KIT: variants seen among roughly 807,000 people sequenced by gnomAD.
The protein encoded by KIT is KIT proto-oncogene, receptor tyrosine kinase, also known as mast/stem cell growth factor receptor Kit.
Under a neutral mutation model 105.7 loss-of-function variants are expected in KIT, and 16 were observed. The ratio of observed to expected loss-of-function variants is 0.15; its 90% CI spans 0.10 to 0.23. KIT has a LOEUF of 0.23. KIT is among the 10% of genes least tolerant of loss of function. The probability of loss-of-function intolerance (pLI) is 1.00; values close to 1 mark genes in which losing one functional copy is unlikely to be tolerated. For missense variants in KIT, 858 were observed against 1,213.8 expected (o/e 0.71, Z 4.36); for synonymous variants, 438 against 441.1 (o/e 0.99, Z 0.09).
In KIT at chr4:54,739,123, C is replaced by G; in HGVS notation, c.*566C>G. ...CCAAGTGTGAACAAAAGATGCTCTT[C>G]TGTGGACCACTGCATGAGCTTTTAT... On this transcript the variant is annotated 3_prime_UTR_variant, in exon 21 of 21. Coordinates refer to ENST00000288135, the MANE Select transcript of KIT (RefSeq NM_000222.3). 1 of 372,162 alleles carries G rather than the reference C, an allele frequency of 2.7e-6. No homozygotes were observed. The highest frequency in any genetic ancestry group is 4.8e-6 in the Non-Finnish European group (1 of 208,440). 23.1% of individuals were successfully genotyped at this position (372,162 alleles called of 1,614,324 possible).
chr4:54,734,226 G>A (rs1017538149), intron 17 of KIT, among the ~76,000 whole-genome samples: 1 of 152,200 alleles, frequency 6.6e-6, no homozygotes, highest in African/African-American at 2.4e-5. Flanking sequence ...ATTGACCAAA[G>A]GGAGGAGGAA....
chr4:54,707,208 C>G lies in KIT; in HGVS notation c.1036C>G (p.Gln346Glu), dbSNP rs1060502555. 6.2e-6 allele frequency: 10 copies of G among 1,610,164 alleles called. No individual in the cohort carries two copies. Among genetic ancestry groups the G allele is most frequent in the Non-Finnish European group, 8.5e-6 (10 of 1,176,546 alleles). Residue 346 changes from glutamine (Q) to glutamate (E), a missense_variant, in exon 6 of 21, where the codon CAG (glutamine) becomes GAG (glutamate). Transcript: ENST00000288135. ...EYEAFPKPEH[Q>E]QWIYMNRTFT... Reference sequence around the variant, plus strand: ...TGAAGCATTCCCCAAACCTGAACACCAGCAGTGGATCTATATGAACAGAAC... The same window carrying G: ...TGAAGCATTCCCCAAACCTGAACACGAGCAGTGGATCTATATGAACAGAAC...
chr4:54,706,052 A>C (rs1011415308), intron 5 of KIT, among the ~76,000 whole-genome samples: 3 of 152,010 alleles, frequency 2.0e-5, no homozygotes, highest in Non-Finnish European at 4.4e-5. Context: ...TTATTATATC[A>C]CCTTTTCTAA....
rs150639066 is a variant in KIT, at chr4:54,720,381, G to A, written c.1232-3203G>A. ...TTAACCGGCACATGGGAACAAGTAG[G>A]CCAGCCAGACCACACCGTTGCCAGC... On this transcript the variant is annotated intron_variant, in intron 7 of 20. Coordinates refer to ENST00000288135, the MANE Select transcript of KIT (RefSeq NM_000222.3). Among the ~76,000 whole-genome samples, 1,304 of 152,310 alleles carry A rather than the reference G, an allele frequency of 8.6e-3. 11 individuals are homozygous for A. The highest frequency in any genetic ancestry group is 0.014 in the Non-Finnish European group (944 of 68,032).
rs55986963 is a variant in KIT, at chr4:54,727,315, A to G, written c.1638A>G (p.Lys546=). Residue 546 remains lysine, a synonymous_variant, in exon 10 of 21, where the codon AAA becomes AAG. Transcript: ENST00000288135. Reference sequence around the variant, plus strand: ...TTATTGTGATGATTCTGACCTACAAATATTTACAGGTAACCATTTATTTGT... The same window carrying G: ...TTATTGTGATGATTCTGACCTACAAGTATTTACAGGTAACCATTTATTTGT... ...MCIIVMILTY[K]YLQKPMYEVQ... is the part of the protein sequence containing the mutation. 43,698 of 1,613,900 alleles carry G rather than the reference A, an allele frequency of 0.027. 716 individuals are homozygous for G. Among genetic ancestry groups the G allele is most frequent in the East Asian group, 0.04 (1,809 of 44,884 alleles).
At chr4:54,734,168 A>G (rs1722777429) in intron 17 of KIT, among the ~76,000 whole-genome samples, 2 of 152,136 alleles carry the variant, frequency 1.3e-5, no homozygotes, top group Admixed American at 6.6e-5. Flanking sequence ...TCCTGGTGCA[A>G]TTTTGGAAGG....
Position 54,707,091 on chromosome 4 carries a change from T to A in KIT, c.926-7T>A. Reference sequence around the variant, plus strand: ...GGTTTCTTTCTGTCTTATTTCATTCTAATTAGATAAAGGATTCATTAATAT... The same window carrying A: ...GGTTTCTTTCTGTCTTATTTCATTCAAATTAGATAAAGGATTCATTAATAT... On this transcript the variant is annotated splice_region_variant and splice_polypyrimidine_tract_variant and intron_variant, in intron 5 of 20. Transcript: ENST00000288135. 2.8e-6 allele frequency: 4 copies of A among 1,443,302 alleles called. No individual in the cohort carries two copies. The highest frequency in any genetic ancestry group is 3.9e-6 in the Non-Finnish European group (4 of 1,026,118). The allele number at this position is 1,443,302 out of a possible 1,614,324, so 89.4% of individuals were successfully genotyped here. A position where few individuals can be genotyped will look rare whatever the true frequency, so the allele number is the denominator to read the frequency against.
Position 54,738,538 on chromosome 4 carries a change from T to A in KIT, c.2912T>A (p.Leu971His), listed in dbSNP as rs929287265. Residue 971 changes from leucine (L) to histidine (H), a missense_variant, in exon 21 of 21, where the codon CTT (leucine) becomes CAT (histidine). Around this residue, in one of 7 missense-constraint regions of KIT, gnomAD observed 105 missense variants for 103.5 expected, o/e 1.01. Coordinates refer to ENST00000288135, the MANE Select transcript of KIT (RefSeq NM_000222.3). ...ACCGCTTCCTCCTCCCAGCCTCTGCTTGTGCACGACGATGTCTGAGCAGAA... is the reference window on the plus strand; with the variant it reads ...ACCGCTTCCTCCTCCCAGCCTCTGCATGTGCACGACGATGTCTGAGCAGAA... Reference protein sequence around the residue: ...GSTASSSQPLLVHDDV With the variant: ...GSTASSSQPLHVHDDV 6.2e-7 allele frequency: 1 copy of A among 1,614,084 alleles called. No homozygotes were observed. The highest frequency in any genetic ancestry group is 8.5e-7 in the Non-Finnish European group (1 of 1,180,010).
At chr4:54,736,690 G>A (rs774091616) in intron 18 of KIT, 31 bp from the exon 19 acceptor site, 1 of 1,606,256 alleles carries the variant, frequency 6.2e-7, no homozygotes, top group South Asian at 1.1e-5. Flanking sequence ...GCTTCCTTGT[G>A]ATTAACACTG....
chr4:54,699,717 A>G lies in KIT; in HGVS notation c.707A>G (p.Lys236Arg). The part of the protein sequence containing the change: ...GEEFTVTCTI[K>R]DVSSSVYSTW... ...GAATTCACAGTGACGTGCACAATAAAAGATGTGTCTAGTTCTGTGTACTCA... is the reference window on the plus strand; with the variant it reads ...GAATTCACAGTGACGTGCACAATAAGAGATGTGTCTAGTTCTGTGTACTCA... Residue 236 changes from lysine (K) to arginine (R), a missense_variant, in exon 4 of 21, where the codon AAA (lysine) becomes AGA (arginine). Transcript: ENST00000288135. 2 of 1,614,030 alleles carry G rather than the reference A, an allele frequency of 1.2e-6. No individual in the cohort carries two copies. Among genetic ancestry groups the G allele is most frequent in the Non-Finnish European group, 1.7e-6 (2 of 1,179,908 alleles).
At chr4:54,716,994 A>G (rs1211210752) in intron 7 of KIT, among the ~76,000 whole-genome samples, 2 of 152,200 alleles carry the variant, frequency 1.3e-5, no homozygotes, top group Admixed American at 1.3e-4. Flanking sequence ...TTTATAGATA[A>G]TATGTGTTCA....
intron 1 of KIT, among the ~76,000 whole-genome samples, chr4:54,688,532 G>T (rs745698980): frequency 6.6e-6 from 1 of 152,068 alleles, no homozygotes; most frequent in Non-Finnish European, 1.5e-5. Flanking sequence ...ACTTTTAACC[G>T]CAGCTATCAA....
At chr4:54,684,362 A>C (rs980664548) in intron 1 of KIT, among the ~76,000 whole-genome samples, 1 of 152,146 alleles carries the variant, frequency 6.6e-6, no homozygotes, top group Non-Finnish European at 1.5e-5. Context: ...TCTCCTGAAA[A>C]GAGTAGGTCC....
At chr4:54,702,243 T>C (rs1485412120) in intron 4 of KIT, among the ~76,000 whole-genome samples, 3 of 152,192 alleles carry the variant, frequency 2.0e-5, no homozygotes, top group African/African-American at 7.2e-5. Flanking sequence ...TTATATGTAA[T>C]TTTAAATTTT....
chr4:54,699,477 G>A (rs984016180), intron 3 of KIT, among the ~76,000 whole-genome samples, 153 bp from the exon 4 acceptor site: 4 of 152,126 alleles, frequency 2.6e-5, no homozygotes, highest in African/African-American at 9.7e-5. Flanking sequence ...GGTACCTTCA[G>A]ATATGCAAGT....
chr4:54,677,386 C>T (rs1399320454), intron 1 of KIT, among the ~76,000 whole-genome samples: 1 of 152,132 alleles, frequency 6.6e-6, no homozygotes, highest in Non-Finnish European at 1.5e-5. Context: ...GGGGTCTGCC[C>T]TGTGGGACAC....
chr4:54,694,649 G>A (rs1050854663), intron 1 of KIT, among the ~76,000 whole-genome samples: 4 of 152,144 alleles, frequency 2.6e-5, no homozygotes, highest in Admixed American at 2.6e-4. Context: ...CAGAGTGCTG[G>A]GATTACAGGC....
intron 1 of KIT, among the ~76,000 whole-genome samples, chr4:54,670,577 A>G (rs1718034624): frequency 6.6e-6 from 1 of 152,198 alleles, no homozygotes; most frequent in Non-Finnish European, 1.5e-5. Context: ...ACTCTGACCA[A>G]GAGGAGACTG....
At chr4:54,662,520 A>G (rs920335083) in intron 1 of KIT, among the ~76,000 whole-genome samples, 1 of 152,190 alleles carries the variant, frequency 6.6e-6, no homozygotes, top group African/African-American at 2.4e-5. Flanking sequence ...TGTCCCTAAA[A>G]TGGGAATAAT....
Sources: allele counts gnomAD v4.1 joint callset (sites outside exome capture counted in the v4.1 genomes callset), GRCh38; gene constraint gnomAD v4.1.1; regional missense constraint gnomAD v4.1.1; transcripts MANE v1.5; gene names NCBI Gene and HGNC (gene_info 2026-07-23, HGNC 2026-07-21).